TEX2: variants seen among roughly 807,000 people sequenced by gnomAD.
The protein encoded by TEX2 is testis-expressed protein 2.
A neutral mutation model predicts 106.9 loss-of-function variants in TEX2; 53 were observed. The ratio of observed to expected loss-of-function variants is 0.50; its 90% confidence interval spans 0.40 to 0.62. The LOEUF (loss-of-function observed/expected upper bound fraction) is 0.62, where lower values mean the gene tolerates loss of function less well. Among genes scored for constraint, TEX2 ranks in the 20% least tolerant of loss-of-function variants. The pLI is 0.00. For synonymous variants in TEX2, 523 were observed against 534.8 expected (o/e 0.98, Z 0.30); for missense variants, 1,207 against 1,379.0 (o/e 0.88, Z 1.98).
chr17:64,224,373 A>G (rs1380893390), intron 1 of TEX2, among the ~76,000 whole-genome samples: 7 of 152,232 alleles, frequency 4.6e-5, no homozygotes, highest in Non-Finnish European at 8.8e-5. Flanking sequence ...ACAAATCTCA[A>G]GTACATCTTA....
Position 64,213,429 on chromosome 17 carries a change from T to C in TEX2, c.789A>G (p.Ala263=). ...AGGGAGAAGTCAGTGGGGAAGAAGG[T>C]GCAGTTTTGGAATCTCCACCTGTGT... ...PRNTGGDSKT[A]PSSPLTSPSD... Residue 263 remains alanine, a synonymous_variant, in exon 2 of 12, where the codon GCA becomes GCG. Transcript: ENST00000584379. This position sits in a 1 kb window ranked among gnomAD's most constrained non-coding sequence, Gnocchi z 4.4. 1 of 1,614,090 alleles carries C rather than the reference T, an allele frequency of 6.2e-7. No individual in the cohort carries two copies. The highest frequency in any genetic ancestry group is 8.5e-7 in the Non-Finnish European group (1 of 1,180,020).
chr17:64,187,760 C>G (rs561281914), intron 5 of TEX2, among the ~76,000 whole-genome samples: 133 of 152,256 alleles, frequency 8.7e-4, no homozygotes, highest in African/African-American at 3.1e-3. Context: ...ACCTGGAGTG[C>G]TCCTCCCACA....
chr17:64,212,822 C>T lies in TEX2; in HGVS notation c.1396G>A (p.Val466Met), dbSNP rs1419685509. The T allele has an allele frequency of 6.2e-6, 10 of 1,613,930 alleles. No individual in the cohort carries two copies. Among genetic ancestry groups the T allele is most frequent in the East Asian group, 2.2e-5 (1 of 44,890 alleles). Residue 466 changes from valine to methionine, a missense_variant, in exon 2 of 12, where the codon GTG becomes ATG. Val to Met is a conservative substitution (Grantham distance 21). Transcript: ENST00000584379. ...LDSEDEVDSA[V>M]QHPELPVKTL... is the part of the protein sequence containing the mutation. ...TTCACTGGCAATTCCGGGTGCTGCA[C>T]GGCCGAGTCCACCTCGTCCTCACTG...
chr17:64,223,833 A>C (rs1435980779), intron 1 of TEX2, among the ~76,000 whole-genome samples: 2 of 149,552 alleles, frequency 1.3e-5, no homozygotes, highest in Non-Finnish European at 2.9e-5. Flanking sequence ...CTCCTGCTTC[A>C]GCCTCCTGAG....
In TEX2 at chr17:64,213,209, G is replaced by A. The variant is rs2033065828; in HGVS notation, c.1009C>T (p.His337Tyr). The A allele has an allele frequency of 1.2e-6, 2 of 1,614,146 alleles. No individual in the cohort carries two copies. The highest frequency in any genetic ancestry group is 8.5e-7 in the Non-Finnish European group (1 of 1,180,034). The change falls in exon 2 of 12, where the codon CAC becomes TAC. Residue 337 changes from histidine to tyrosine, a missense_variant. Transcript: ENST00000584379. This position sits in a 1 kb window ranked among gnomAD's most constrained non-coding sequence, Gnocchi z 4.4. ...CTGTAGTTGTTATTGCTTTCCAAGTGCCCATTCAAGCTGGACAGATTGGAG... is the reference window on the plus strand; with the variant it reads ...CTGTAGTTGTTATTGCTTTCCAAGTACCCATTCAAGCTGGACAGATTGGAG... ...ELSNLSSLNG[H>Y]LESNNNYSIK...
Position 64,147,763 on chromosome 17 carries a change from C to T in TEX2, c.*1206G>A, listed in dbSNP as rs962427938. The T allele has an allele frequency of 4.7e-4, 72 of 152,534 alleles. No individual in the cohort carries two copies. Among genetic ancestry groups the T allele is most frequent in the Non-Finnish European group, 4.4e-5 (3 of 68,032 alleles). 9.4% of individuals were successfully genotyped at this position (152,534 alleles called of 1,614,324 possible). On this transcript the variant is annotated 3_prime_UTR_variant, in exon 12 of 12. Transcript: ENST00000584379. ...TTCAATATATTAATTTCTTTAAAGT[C>T]ATGTTCAGGCAAGGTGCTGTTTAAA...
chr17:64,180,545 G>A (rs192829303), intron 5 of TEX2, among the ~76,000 whole-genome samples: 3 of 152,306 alleles, frequency 2.0e-5, no homozygotes, highest in Admixed American at 1.3e-4. Context: ...TCAACAGCCT[G>A]CTAGGAAGGC....
At chr17:64,247,856 A>G (rs370792382) in intron 1 of TEX2, among the ~76,000 whole-genome samples, 2 of 152,180 alleles carry the variant, frequency 1.3e-5, no homozygotes, top group African/African-American at 4.8e-5. Context: ...CTTGATTTTC[A>G]AGGAGACACA....
intron 1 of TEX2, among the ~76,000 whole-genome samples, chr17:64,237,269 G>A (rs543933523): frequency 2.2e-4 from 34 of 152,170 alleles, no homozygotes; most frequent in Non-Finnish European, 3.2e-4. Context: ...GGAATCTGAA[G>A]CAGCTTCTCG....
chr17:64,201,531 G>A (rs1359573877), intron 2 of TEX2, among the ~76,000 whole-genome samples: 1 of 152,176 alleles, frequency 6.6e-6, no homozygotes, highest in East Asian at 1.9e-4. Context: ...GGTAAGAAAA[G>A]TGGTGAGAGA....
intron 7 of TEX2, among the ~76,000 whole-genome samples, chr17:64,164,631 C>T (rs1003908527): frequency 2.0e-5 from 3 of 152,122 alleles, no homozygotes; most frequent in Admixed American, 6.5e-5. Flanking sequence ...CACCAAAAAG[C>T]GTGTATGCGT....
intron 4 of TEX2, 71 bp downstream of exon 4, chr17:64,193,488 C>T: frequency 7.9e-7 from 1 of 1,268,970 alleles, no homozygotes; most frequent in Non-Finnish European, 1.0e-6. Flanking sequence ...TCCTTCCTAC[C>T]TGGCATTCTT....
At position 64,147,982 on chromosome 17, in the gene TEX2, A is replaced by T. The variant is rs2143560205; in HGVS notation, c.*987T>A. On this transcript the variant is annotated 3_prime_UTR_variant, in exon 12 of 12. Coordinates refer to ENST00000584379, the MANE Select transcript of TEX2 (RefSeq NM_001288732.2). ...TTAAGTTGGCAACATTAATTTTGAG[A>T]TGTAGTGTGATGCTGAGCAAACTTT... 1 of 152,732 alleles carries T rather than the reference A, an allele frequency of 6.5e-6. No individual in the cohort carries two copies. Among genetic ancestry groups the T allele is most frequent in the South Asian group, 2.1e-4 (1 of 4,828 alleles). The allele number at this position is 152,732 out of a possible 1,614,324, so 9.5% of individuals were successfully genotyped here.
chr17:64,151,277 T>C (rs1444162696), intron 10 of TEX2, among the ~76,000 whole-genome samples: 2 of 152,126 alleles, frequency 1.3e-5, no homozygotes, highest in Non-Finnish European at 2.9e-5. Context: ...CTTTTTTCTT[T>C]CAATTTTTAT....
chr17:64,161,033 A>C (rs1364498392), intron 7 of TEX2, 100 bp from the exon 8 acceptor site: 2 of 1,311,722 alleles, frequency 1.5e-6, no homozygotes, highest in Admixed American at 2.0e-5. Flanking sequence ...CACCATACTG[A>C]AAGTCCATGT....
intron 1 of TEX2, among the ~76,000 whole-genome samples, chr17:64,232,740 G>T (rs1555634748): frequency 6.6e-6 from 1 of 152,158 alleles, no homozygotes; most frequent in Non-Finnish European, 1.5e-5. Flanking sequence ...TTCCATACAG[G>T]GTTGCAATTC....
chr17:64,211,470 T>C (rs2143049387), intron 2 of TEX2, among the ~76,000 whole-genome samples: 1 of 152,224 alleles, frequency 6.6e-6, no homozygotes, highest in Admixed American at 6.5e-5. Flanking sequence ...TATCCATGGA[T>C]TCAATCAACC....
intron 4 of TEX2, among the ~76,000 whole-genome samples, chr17:64,192,718 G>T (rs1006404186): frequency 6.6e-6 from 1 of 152,206 alleles, no homozygotes; most frequent in African/African-American, 2.4e-5. Flanking sequence ...GTTAGCAAAG[G>T]AGTTAGGGCA....
At position 64,213,591 on chromosome 17, in the gene TEX2, C is replaced by A. The variant is rs2033084005; in HGVS notation, c.627G>T (p.Arg209Ser). 6.2e-7 allele frequency: 1 copy of A among 1,614,098 alleles called. No individual in the cohort carries two copies. Among genetic ancestry groups the A allele is most frequent in the Non-Finnish European group, 8.5e-7 (1 of 1,180,006 alleles). The change falls in exon 2 of 12, where the codon AGG becomes AGT. Residue 209 changes from arginine (R) to serine (S), a missense_variant. Transcript: ENST00000584379. This position sits in a 1 kb window ranked among gnomAD's most constrained non-coding sequence, Gnocchi z 4.4. Reference sequence around the variant, plus strand: ...CTAATGTCTTCATCAAGTGCCTGTGCCTTGCGGGGTGTGGGGATTCTTTTG... The same window carrying A: ...CTAATGTCTTCATCAAGTGCCTGTGACTTGCGGGGTGTGGGGATTCTTTTG... Reference protein sequence around the residue: ...VEPKESPHPARHRHLMKTLVK... With the variant: ...VEPKESPHPASHRHLMKTLVK...
Sources: gnomAD v4.1 joint callset for allele counts (sites outside exome capture counted in the v4.1 genomes callset) on GRCh38, gnomAD v4.1.1 for gene constraint, Gnocchi (gnomAD v3.1) non-coding constraint, MANE v1.5 for transcripts, NCBI Gene and HGNC (gene_info 2026-07-23, HGNC 2026-07-21) for gene names.